Variants in GRIN2A observed in about 807,000 individuals in gnomAD.
GRIN2A encodes the protein glutamate receptor ionotropic, NMDA 2A.
GRIN2A carries 22 observed loss-of-function variants against 113.4 expected under a neutral mutation model. The observed-to-expected ratio is 0.19, with a 90% CI of 0.14 to 0.28. The LOEUF (loss-of-function observed/expected upper bound fraction) is 0.28, where lower values mean the gene tolerates loss of function less well. Among genes scored for constraint, GRIN2A ranks in the 10% least tolerant of loss-of-function variants. The pLI is 1.00. For synonymous variants in GRIN2A, 827 were observed against 738.4 expected, an observed-to-expected ratio of 1.12 and a Z score of -1.94; for missense variants, 1,502 against 1,887.0, an observed-to-expected ratio of 0.80 and a Z score of 3.78.
chr16:9,914,194 A>G (rs1405448522), intron 3 of GRIN2A, among the ~76,000 whole-genome samples: 1 of 152,172 alleles, frequency 6.6e-6, no homozygotes, highest in Non-Finnish European at 1.5e-5. Context: ...CCAAGTCATC[A>G]TTTAAAAAAA....
intron 4 of GRIN2A, among the ~76,000 whole-genome samples, chr16:9,859,366 C>T (rs1423836538): frequency 3.9e-5 from 6 of 152,084 alleles, no homozygotes; most frequent in Non-Finnish European, 7.4e-5. Flanking sequence ...GTGTCTGATA[C>T]ATAAGTGTCC....
intron 7 of GRIN2A, 145 bp from the exon 8 acceptor site, chr16:9,834,375 T>C: frequency 1.4e-6 from 1 of 722,230 alleles, no homozygotes; most frequent in Non-Finnish European, 2.4e-6. Context: ...CTAATCATTT[T>C]TTATTTTTAT....
chr16:10,080,330 A>G (rs1055245624), intron 2 of GRIN2A, among the ~76,000 whole-genome samples: 3 of 152,164 alleles, frequency 2.0e-5, no homozygotes, highest in African/African-American at 7.2e-5. Context: ...CCTTTTTATG[A>G]TTAGGCTTCC....
intron 4 of GRIN2A, among the ~76,000 whole-genome samples, chr16:9,870,765 G>C (rs1216357708): frequency 1.3e-5 from 2 of 151,866 alleles, no homozygotes; most frequent in African/African-American, 2.4e-5. Context: ...AGCCTCCTGA[G>C]TAGCTGAAAC....
intron 2 of GRIN2A, among the ~76,000 whole-genome samples, chr16:10,132,930 G>A (rs1314628019): frequency 1.3e-5 from 2 of 152,160 alleles, no homozygotes; most frequent in African/African-American, 4.8e-5. Flanking sequence ...CTTTAGAGGA[G>A]AATCCATTTC....
At chr16:10,044,766 C>G (rs1198372947) in intron 2 of GRIN2A, among the ~76,000 whole-genome samples, 5 of 151,604 alleles carry the variant, frequency 3.3e-5, no homozygotes, top group Non-Finnish European at 7.4e-5. Flanking sequence ...CACGACATTC[C>G]AATCATGTGT....
intron 10 of GRIN2A, among the ~76,000 whole-genome samples, chr16:9,807,830 A>C (rs2042012526): frequency 6.6e-6 from 1 of 152,160 alleles, no homozygotes; most frequent in African/African-American, 2.4e-5. Flanking sequence ...GGAAAGTCTA[A>C]ATATTTCTCT....
At chr16:9,858,386 T>C (rs184779571) in intron 4 of GRIN2A, among the ~76,000 whole-genome samples, 2 of 152,324 alleles carry the variant, frequency 1.3e-5, no homozygotes, top group African/African-American at 4.8e-5. Context: ...TTTTTATCTC[T>C]ATTATGAATT....
intron 10 of GRIN2A, among the ~76,000 whole-genome samples, chr16:9,814,301 C>G (rs2042145309): frequency 6.6e-6 from 1 of 152,178 alleles, no homozygotes. Context: ...CTTACTAATT[C>G]TGCAATGTAG....
chr16:10,026,060 G>A (rs1234342432), intron 2 of GRIN2A, among the ~76,000 whole-genome samples: 2 of 151,974 alleles, frequency 1.3e-5, no homozygotes, highest in Admixed American at 6.6e-5. Context: ...CCTTCCTCCT[G>A]GCCATAGAAT....
intron 10 of GRIN2A, among the ~76,000 whole-genome samples, chr16:9,807,744 C>T (rs1430079673): frequency 6.6e-6 from 1 of 152,164 alleles, no homozygotes; most frequent in East Asian, 1.9e-4. Context: ...GACACCATTG[C>T]CGGGCTCCCC....
intron 2 of GRIN2A, among the ~76,000 whole-genome samples, chr16:10,052,229 T>C (rs1472644952): frequency 6.6e-6 from 1 of 152,204 alleles, no homozygotes; most frequent in African/African-American, 2.4e-5. Context: ...CTCTTCTCCA[T>C]CTGGAATAAG....
intron 2 of GRIN2A, among the ~76,000 whole-genome samples, chr16:10,141,316 C>A (rs1181361476): frequency 1.3e-5 from 2 of 151,878 alleles, no homozygotes; most frequent in African/African-American, 4.8e-5. Context: ...TGGTGAAACC[C>A]TGTCTCTAAT....
intron 4 of GRIN2A, among the ~76,000 whole-genome samples, chr16:9,855,983 C>T (rs1027775261): frequency 1.3e-5 from 2 of 152,196 alleles, no homozygotes; most frequent in East Asian, 1.9e-4. Flanking sequence ...CAAATCCTGA[C>T]TTGTCCATTC....
Position 9,756,325 on chromosome 16 carries a change from C to A in GRIN2A, c.*6824G>T, listed in dbSNP as rs908412785. 1.3e-5 allele frequency: 3 copies of A among 229,834 alleles called. No homozygotes were observed. The highest frequency in any genetic ancestry group is 1.8e-4 in the South Asian group (1 of 5,496). The allele number at this position is 229,834 out of a possible 1,614,324, so 14.2% of individuals were successfully genotyped here. On this transcript the variant is annotated 3_prime_UTR_variant, in exon 13 of 13. Coordinates refer to ENST00000330684, the MANE Select transcript of GRIN2A (RefSeq NM_001134407.3). ...AGTGCAAGCATATGAAAGGGAGACA[C>A]AAACAGTGTTCAAGTCTCAGAAGGA...
At chr16:10,163,783 T>A (rs1298510244) in intron 2 of GRIN2A, among the ~76,000 whole-genome samples, 3 of 152,250 alleles carry the variant, frequency 2.0e-5, no homozygotes, top group Admixed American at 2.0e-4. Context: ...GCTGTTAATA[T>A]CAAACATAAA....
chr16:10,066,526 T>C (rs1168897770), intron 2 of GRIN2A, among the ~76,000 whole-genome samples: 1 of 152,178 alleles, frequency 6.6e-6, no homozygotes, highest in Non-Finnish European at 1.5e-5. Context: ...GACAAAACTA[T>C]GGGCTATTTC....
chr16:10,165,442 A>AT, intron 2 of GRIN2A, among the ~76,000 whole-genome samples: 1 of 149,426 alleles, frequency 6.7e-6, no homozygotes, highest in African/African-American at 2.5e-5. Context: ...ATATGTATAG[A>AT]TTACTTGTAT....
In GRIN2A at chr16:9,763,235, T is replaced by G; in HGVS notation, c.4309A>C (p.Asn1437His). 3.7e-6 allele frequency: 6 copies of G among 1,614,076 alleles called. No individual in the cohort carries two copies. The highest frequency in any genetic ancestry group is 5.1e-6 in the Non-Finnish European group (6 of 1,179,952). ...AAAACCCTGGGGGTAGAGTACATAT[T>G]ATTCTTATTTGCAGCATAAGGCATA... ...HVMPYAANKN[N>H]MYSTPRVLNS... The change falls in exon 13 of 13, where the codon AAT (asparagine) becomes CAT (histidine). Residue 1437 changes from asparagine (N) to histidine (H), a missense_variant. By Grantham distance (68) the Asn-to-His change is moderately conservative (BLOSUM62 1). Coordinates refer to ENST00000330684, the MANE Select transcript of GRIN2A (RefSeq NM_001134407.3).
Sources: allele counts gnomAD v4.1 joint callset (sites outside exome capture counted in the v4.1 genomes callset), GRCh38; gene constraint gnomAD v4.1.1; transcripts MANE v1.5; gene names NCBI Gene and HGNC (gene_info 2026-07-23, HGNC 2026-07-21).